Variants in SIPA1L1 observed in about 807,000 individuals in gnomAD.
SIPA1L1 encodes the protein signal-induced proliferation-associated 1-like protein 1.
A neutral mutation model predicts 162.7 loss-of-function variants in SIPA1L1; 26 were observed. The ratio of observed to expected loss-of-function variants is 0.16; its 90% CI spans 0.12 to 0.22. The LOEUF is 0.22. Ranked by LOEUF, SIPA1L1 falls within the 10% of genes least tolerant of loss-of-function variation. The pLI is 1.00. For synonymous variants in SIPA1L1, 829 were observed against 837.4 expected (o/e 0.99, Z 0.17); for missense variants, 1,874 against 2,241.0 (o/e 0.84, Z 3.31).
intron 10 of SIPA1L1, among the ~76,000 whole-genome samples, chr14:71,667,926 G>A (rs530150476): frequency 3.5e-4 from 53 of 152,124 alleles, no homozygotes; most frequent in African/African-American, 1.1e-3. Context: ...TTAGCCAGGC[G>A]AGATGGCGGG....
In SIPA1L1 at chr14:71,589,201, A is replaced by C; in HGVS notation, c.1329A>C (p.Glu443Asp). ...KSNSGSFSGC[E>D]SASFESTLSS... The stretch of plus-strand genomic sequence containing the variant: ...ATTCTGGCTCCTTTAGTGGATGTGA[A>C]AGTGCCTCCTTTGAGTCTACCCTTA... The change falls in exon 5 of 24, where the codon GAA becomes GAC. Residue 443 changes from glutamate to aspartate, a missense_variant. Physicochemically the swap from Glu to Asp is conservative, Grantham distance 45 (BLOSUM62 2). Around this residue, in one of 5 missense-constraint regions of SIPA1L1, gnomAD observed 685 missense variants for 828.0 expected, o/e 0.83. Coordinates refer to ENST00000381232, the MANE Select transcript of SIPA1L1 (RefSeq NM_001386936.1). The C allele has an allele frequency of 6.2e-7, 1 of 1,614,118 alleles. No homozygotes were observed. The highest frequency in any genetic ancestry group is 8.5e-7 in the Non-Finnish European group (1 of 1,179,980).
chr14:71,426,953 C>G (rs762327706), intron 2 of SIPA1L1, among the ~76,000 whole-genome samples: 7 of 152,142 alleles, frequency 4.6e-5, no homozygotes, highest in African/African-American at 1.2e-4. Flanking sequence ...ATTTCTTAAA[C>G]CATGTAGAAA....
chr14:71,359,038 C>G (rs914887471), intron 2 of SIPA1L1, among the ~76,000 whole-genome samples: 19 of 152,134 alleles, frequency 1.2e-4, no homozygotes, highest in Admixed American at 3.3e-4. Flanking sequence ...AAGCATGTAT[C>G]CCCTCTGACC....
At chr14:71,698,300 C>T (rs760983128) in intron 13 of SIPA1L1, among the ~76,000 whole-genome samples, 21 of 152,202 alleles carry the variant, frequency 1.4e-4, no homozygotes, top group African/African-American at 2.2e-4. Context: ...TCTGCCTTGA[C>T]AGCCAGTTGG....
rs965072739 is a variant in SIPA1L1 at position 71,680,170 on chromosome 14, T to C, written c.3105-5192T>C. 2.6e-5 allele frequency among the ~76,000 whole-genome samples: 4 copies of C among 152,230 alleles called. No individual in the cohort carries two copies. The South Asian group carries it at 8.3e-4, about 32-fold the overall frequency. On this transcript the variant is annotated intron_variant, in intron 12 of 23. Transcript: ENST00000381232. ...ACTTATTCCAAAATTGACCACATAG[T>C]TGGAAGTAAAGCACTCCTCAGCAAA...
At chr14:71,647,849 G>A (rs1482355755) in intron 7 of SIPA1L1, among the ~76,000 whole-genome samples, 2 of 152,090 alleles carry the variant, frequency 1.3e-5, no homozygotes, top group Admixed American at 6.5e-5. Context: ...AAGCAGGCCC[G>A]CTAAGAAAGG....
intron 2 of SIPA1L1, among the ~76,000 whole-genome samples, chr14:71,453,497 G>T (rs1204473196): frequency 6.6e-6 from 1 of 152,112 alleles, no homozygotes; most frequent in Non-Finnish European, 1.5e-5. Flanking sequence ...ACTTTGAAAA[G>T]AATCTCACTC....
intron 2 of SIPA1L1, among the ~76,000 whole-genome samples, chr14:71,454,214 G>A (rs1019220099): frequency 1.3e-5 from 2 of 152,032 alleles, no homozygotes; most frequent in African/African-American, 4.8e-5. Flanking sequence ...AGGCAATTGA[G>A]GCTGGAAAAG....
At chr14:71,692,286 G>C (rs1053729074) in intron 13 of SIPA1L1, among the ~76,000 whole-genome samples, 8 of 152,200 alleles carry the variant, frequency 5.3e-5, no homozygotes, top group Non-Finnish European at 8.8e-5. Context: ...TTTGGTTTTT[G>C]TTGACTAAGT....
intron 5 of SIPA1L1, among the ~76,000 whole-genome samples, chr14:71,615,777 C>T (rs1167548425): frequency 2.0e-5 from 3 of 152,102 alleles, no homozygotes; most frequent in African/African-American, 7.2e-5. Context: ...GAGGCCAAGG[C>T]GGGCAGATCA....
chr14:71,517,312 AT>A (rs1344698403), intron 3 of SIPA1L1, among the ~76,000 whole-genome samples: 3 of 151,982 alleles, frequency 2.0e-5, no homozygotes, highest in Non-Finnish European at 4.4e-5. Flanking sequence ...AATTAAAAAA[AT>A]TTTTTTTGGT....
chr14:71,324,249 A>C (rs1211076437), intron 2 of SIPA1L1, among the ~76,000 whole-genome samples: 1 of 152,206 alleles, frequency 6.6e-6, no homozygotes, highest in Non-Finnish European at 1.5e-5. Context: ...ATTTTGACTC[A>C]TTTGGCTCAT....
intron 8 of SIPA1L1, among the ~76,000 whole-genome samples, chr14:71,653,961 T>C (rs1332170899): frequency 6.6e-6 from 1 of 152,174 alleles, no homozygotes; most frequent in African/African-American, 2.4e-5. Flanking sequence ...GAATGAAGTA[T>C]AGCAAAGCCC....
At chr14:71,600,341 AGGGG>A (rs1207622866) in intron 5 of SIPA1L1, among the ~76,000 whole-genome samples, 1 of 152,112 alleles carries the variant, frequency 6.6e-6, no homozygotes, top group African/African-American at 2.4e-5. Context: ...TTTATTGAAG[AGGGG>A]AAGAGGGTGT....
At chr14:71,382,092 CAAGTTAACATTTTTTTCTGCTAATTAAAG>C in intron 2 of SIPA1L1, among the ~76,000 whole-genome samples, 1 of 152,250 alleles carries the variant, frequency 6.6e-6, no homozygotes, top group African/African-American at 2.4e-5. Context: ...GAAGCCAATC[CAAGTTAACATTTTTTTCTGCTAATTAAAG>C]TTTAGAATTT....
At chr14:71,566,336 A>G (rs2146812558) in intron 4 of SIPA1L1, among the ~76,000 whole-genome samples, 1 of 152,362 alleles carries the variant, frequency 6.6e-6, no homozygotes, top group Non-Finnish European at 1.5e-5. Flanking sequence ...TATTAAAAAT[A>G]ATTTAAAGTT....
intron 17 of SIPA1L1, among the ~76,000 whole-genome samples, chr14:71,716,844 A>G (rs1308528909): frequency 2.6e-5 from 4 of 152,246 alleles, no homozygotes; most frequent in African/African-American, 9.6e-5. Flanking sequence ...TCATTTGAGC[A>G]TCAGGTCAAG....
intron 7 of SIPA1L1, among the ~76,000 whole-genome samples, chr14:71,642,719 GGGGA>G: frequency 6.6e-6 from 1 of 152,188 alleles, no homozygotes; most frequent in East Asian, 1.9e-4. Context: ...ACCTATAGTT[GGGGA>G]GGGGATAAAA....
At chr14:71,693,217 G>T (rs2081371783) in intron 13 of SIPA1L1, among the ~76,000 whole-genome samples, 1 of 152,164 alleles carries the variant, frequency 6.6e-6, no homozygotes, top group South Asian at 2.1e-4. Flanking sequence ...AAAAGTTTTG[G>T]ATTTTGGGGC....
Sources: gnomAD v4.1 joint callset for allele counts (sites outside exome capture counted in the v4.1 genomes callset) on GRCh38, gnomAD v4.1.1 for gene constraint, gnomAD v4.1.1 regional missense constraint, MANE v1.5 for transcripts, NCBI Gene and HGNC (gene_info 2026-07-23, HGNC 2026-07-21) for gene names.